GNB1: variants seen among roughly 807,000 people sequenced by gnomAD.
The protein encoded by GNB1 is guanine nucleotide-binding protein G(I)/G(S)/G(T) subunit beta-1.
In GNB1, 2 loss-of-function variants were observed where a neutral mutation model predicts 42.9. That is an observed-to-expected ratio of 0.05 (90% CI 0.02 to 0.15). GNB1 has a LOEUF of 0.15. GNB1 is among the 10% of genes least tolerant of loss of function. GNB1 has a pLI of 1.00. For synonymous variants in GNB1, 183 were observed against 174.7 expected (o/e 1.05, Z -0.38); for missense variants, 193 against 462.2 (o/e 0.42, Z 5.34).
chr1:1,857,699 G>T (rs1249593819), intron 1 of GNB1, among the ~76,000 whole-genome samples: 1 of 152,152 alleles, frequency 6.6e-6, no homozygotes, highest in Non-Finnish European at 1.5e-5. Context: ...AGAAGGACAT[G>T]CTCCAAGACC....
At chr1:1,856,673 G>A (rs889358339) in intron 1 of GNB1, among the ~76,000 whole-genome samples, 3 of 151,574 alleles carry the variant, frequency 2.0e-5, no homozygotes, top group Non-Finnish European at 2.9e-5. Context: ...TGATCCGCCC[G>A]CCTTGGCCTC....
chr1:1,836,212 A>G (rs1647147059), intron 2 of GNB1, among the ~76,000 whole-genome samples: 4 of 152,018 alleles, frequency 2.6e-5, no homozygotes, highest in Non-Finnish European at 5.9e-5. Context: ...ACGCCCAACA[A>G]CGCTGGGTGG....
chr1:1,790,320 A>G lies in GNB1; in HGVS notation c.699+75T>C, dbSNP rs997795163. Reference sequence around the variant, plus strand: ...GAAAGGAGAACATCTAATCCAGAAAAGTTTAAAATTTAGCAATCTGAACGG... The same window carrying G: ...GAAAGGAGAACATCTAATCCAGAAAGGTTTAAAATTTAGCAATCTGAACGG... On this transcript the variant is annotated intron_variant, in intron 9 of 11. Transcript: ENST00000378609. This position sits in a 1 kb window ranked among gnomAD's most constrained non-coding sequence, Gnocchi z 5.4. The G allele has an allele frequency of 1.5e-5, 15 of 1,005,028 alleles. No individual in the cohort carries two copies. The highest frequency in any genetic ancestry group is 2.4e-5 in the Non-Finnish European group (15 of 632,330). The allele number at this position is 1,005,028 out of a possible 1,614,324, so 62.3% of individuals were successfully genotyped here.
In GNB1 at chr1:1,835,833, G is replaced by A. The variant is rs76901163; in HGVS notation, c.-47+3357C>T. Among the ~76,000 whole-genome samples, 1,334 of 149,744 alleles carry A rather than the reference G, an allele frequency of 8.9e-3. 23 individuals carry two copies. Among genetic ancestry groups the A allele is most frequent in the African/African-American group, 0.032 (1,279 of 40,556 alleles). On this transcript the variant is annotated intron_variant, in intron 2 of 11. Coordinates refer to ENST00000378609, the MANE Select transcript of GNB1 (RefSeq NM_002074.5). ...CATGACTATAATCTGAGCACTTTCC[G>A]AGGCAAGGCAGGAGGATCACTTGAG...
At chr1:1,813,604 C>T (rs891153587) in intron 5 of GNB1, among the ~76,000 whole-genome samples, 3 of 152,082 alleles carry the variant, frequency 2.0e-5, no homozygotes, top group African/African-American at 7.2e-5. Context: ...GATCCTCCCA[C>T]CTCGGCCTCC....
rs1646464047 is a variant in GNB1 at position 1,790,262 on chromosome 1, T to G, written c.699+133A>C. The G allele has an allele frequency of 1.5e-6, 1 of 650,764 alleles. No homozygotes were observed. The highest frequency in any genetic ancestry group is 2.6e-5 in the Admixed American group (1 of 39,122). 40.3% of individuals were successfully genotyped at this position (650,764 alleles called of 1,614,324 possible). On this transcript the variant is annotated intron_variant, in intron 9 of 11. Transcript: ENST00000378609. The surrounding 1 kb of genome is among the most constrained non-coding windows in gnomAD (Gnocchi z 5.4). Reference sequence around the variant, plus strand: ...AGTTTCCCATCGGGAGTTTTCTGTATCCCCATCTGTACATGAGGTTGTATA... The same window carrying G: ...AGTTTCCCATCGGGAGTTTTCTGTAGCCCCATCTGTACATGAGGTTGTATA...
chr1:1,878,585 G>A (rs1474557994), intron 1 of GNB1, among the ~76,000 whole-genome samples: 2 of 152,086 alleles, frequency 1.3e-5, no homozygotes, highest in South Asian at 4.1e-4. Flanking sequence ...CAGCAGACTC[G>A]TCCGCCATCT....
chr1:1,854,899 G>A (rs1307760248), intron 1 of GNB1, among the ~76,000 whole-genome samples: 1 of 152,106 alleles, frequency 6.6e-6, no homozygotes, highest in African/African-American at 2.4e-5. Context: ...GGTGGCTCAC[G>A]CCTGTAATCC....
intron 1 of GNB1, among the ~76,000 whole-genome samples, chr1:1,889,914 G>A (rs891353570): frequency 9.2e-5 from 14 of 151,472 alleles, no homozygotes; most frequent in African/African-American, 2.7e-4. Flanking sequence ...GCCGATCCAG[G>A]CAAGAGGAAG....
intron 7 of GNB1, among the ~76,000 whole-genome samples, chr1:1,796,806 G>A (rs542586074): frequency 6.6e-6 from 1 of 152,204 alleles, no homozygotes; most frequent in East Asian, 1.9e-4. Flanking sequence ...GGTCATATAG[G>A]CAGTGGGTGT....
At chr1:1,807,792 C>G (rs554697921) in intron 5 of GNB1, among the ~76,000 whole-genome samples, 1 of 151,816 alleles carries the variant, frequency 6.6e-6, no homozygotes, top group Non-Finnish European at 1.5e-5. Context: ...ACTGCAAGCT[C>G]CGCCTCCGGG....
At chr1:1,814,282 A>G (rs947365986) in intron 5 of GNB1, among the ~76,000 whole-genome samples, 31 of 152,228 alleles carry the variant, frequency 2.0e-4, no homozygotes, top group African/African-American at 7.5e-4. Flanking sequence ...TTCCACGCTA[A>G]CAACGGAATA....
At chr1:1,791,089 C>G (rs1488873307) in intron 8 of GNB1, among the ~76,000 whole-genome samples, 1 of 152,158 alleles carries the variant, frequency 6.6e-6, no homozygotes, top group Non-Finnish European at 1.5e-5. Context: ...AAACAAATGG[C>G]TCACAGCAAT....
At chr1:1,802,416 C>A (rs1646637650) in intron 7 of GNB1, among the ~76,000 whole-genome samples, 1 of 152,018 alleles carries the variant, frequency 6.6e-6, no homozygotes, top group South Asian at 2.1e-4. Context: ...ATCTAAATAA[C>A]CTATAAGTCA....
chr1:1,815,027 G>T (rs1429132285), intron 5 of GNB1, among the ~76,000 whole-genome samples: 1 of 151,404 alleles, frequency 6.6e-6, no homozygotes, highest in African/African-American at 2.4e-5. Context: ...CAGGAGAATG[G>T]CGTGAACCCG....
At chr1:1,868,707 G>C (rs1046822965) in intron 1 of GNB1, among the ~76,000 whole-genome samples, 2 of 151,812 alleles carry the variant, frequency 1.3e-5, no homozygotes, top group African/African-American at 4.8e-5. Flanking sequence ...TTGAACCCAG[G>C]AGGCGGAGGT....
At chr1:1,835,833 G>C (rs76901163) in intron 2 of GNB1, among the ~76,000 whole-genome samples, 1 of 149,636 alleles carries the variant, frequency 6.7e-6, no homozygotes. Flanking sequence ...AGCACTTTCC[G>C]AGGCAAGGCA....
intron 1 of GNB1, among the ~76,000 whole-genome samples, chr1:1,852,175 C>T (rs906498544): frequency 2.0e-5 from 3 of 149,882 alleles, no homozygotes; most frequent in Admixed American, 6.6e-5. Context: ...TACCAGGGGG[C>T]GATCACTTGA....
chr1:1,887,315 A>C (rs1650210763), intron 1 of GNB1, among the ~76,000 whole-genome samples: 1 of 152,254 alleles, frequency 6.6e-6, no homozygotes, highest in African/African-American at 2.4e-5. Flanking sequence ...AGCTACAAAA[A>C]GTCAACTGAT....
Sources: gnomAD v4.1 joint callset for allele counts (sites outside exome capture counted in the v4.1 genomes callset) on GRCh38, gnomAD v4.1.1 for gene constraint, Gnocchi (gnomAD v3.1) non-coding constraint, MANE v1.5 for transcripts, NCBI Gene and HGNC (gene_info 2026-07-23, HGNC 2026-07-21) for gene names.